Variants in MOB1B observed in about 807,000 individuals in gnomAD.
MOB1B encodes the protein MOB1 Mps One Binder homolog B.
Under a neutral mutation model 24.4 loss-of-function variants are expected in MOB1B, and 19 were observed. The ratio of observed to expected loss-of-function variants is 0.78; its 90% CI spans 0.54 to 1.14. The LOEUF (loss-of-function observed/expected upper bound fraction) is 1.14, where lower values mean the gene tolerates loss of function less well. MOB1B is among the 50% of genes most tolerant of loss of function. MOB1B has a pLI of 0.00. For missense variants in MOB1B, 243 were observed against 259.6 expected, an observed-to-expected ratio of 0.94 and a Z score of 0.44; for synonymous variants, 76 against 82.1, an observed-to-expected ratio of 0.93 and a Z score of 0.40.
chr4:70,965,936 A>G (rs1738510755), intron 2 of MOB1B, among the ~76,000 whole-genome samples: 1 of 152,042 alleles, frequency 6.6e-6, no homozygotes, highest in Non-Finnish European at 1.5e-5. Context: ...TAACACTAGA[A>G]TAAAAAATCT....
intron 1 of MOB1B, 49 bp downstream of exon 1, chr4:70,902,599 GCCCCCGCCCGCCGC>G: frequency 6.7e-7 from 1 of 1,498,036 alleles, no homozygotes; most frequent in South Asian, 1.2e-5. Flanking sequence ...GTGGACCTGG[GCCCCCGCCCGCCGC>G]CCGCCGCCCG....
At chr4:70,908,163 C>T (rs912815894) in intron 1 of MOB1B, among the ~76,000 whole-genome samples, 26 of 151,182 alleles carry the variant, frequency 1.7e-4, no homozygotes, top group African/African-American at 6.3e-4. Flanking sequence ...GTAGCTGGGA[C>T]TACAGGCACC....
intron 1 of MOB1B, among the ~76,000 whole-genome samples, chr4:70,906,991 A>G (rs895391965): frequency 2.6e-5 from 4 of 152,198 alleles, no homozygotes; most frequent in African/African-American, 9.6e-5. Flanking sequence ...GTTTCATGAA[A>G]GAAGTGGGTG....
chr4:70,912,746 T>G (rs914092972), intron 1 of MOB1B, among the ~76,000 whole-genome samples: 1 of 152,184 alleles, frequency 6.6e-6, no homozygotes, highest in African/African-American at 2.4e-5. Flanking sequence ...TGCATCCACT[T>G]ATGTCTGTAG....
Position 70,902,396 on chromosome 4 carries a change from G to T in MOB1B, c.-141G>T. 2.4e-6 allele frequency: 2 copies of T among 838,930 alleles called. No homozygotes were observed. Among genetic ancestry groups the T allele is most frequent in the Admixed American group, 4.0e-5 (2 of 49,870 alleles). 52.0% of individuals were successfully genotyped at this position (838,930 alleles called of 1,614,324 possible). ...TGGAACTAGCTGAGCCGAACTAGTTGCGGCCACCGAGCAGCCGGCTCTCGG... is the reference window on the plus strand; with the variant it reads ...TGGAACTAGCTGAGCCGAACTAGTTTCGGCCACCGAGCAGCCGGCTCTCGG... On this transcript the variant is annotated 5_prime_UTR_variant, in exon 1 of 6. Coordinates refer to ENST00000309395, the MANE Select transcript of MOB1B (RefSeq NM_173468.4).
chr4:70,930,779 C>CT (rs1009382494), intron 1 of MOB1B, among the ~76,000 whole-genome samples: 6 of 151,754 alleles, frequency 4.0e-5, no homozygotes, highest in African/African-American at 1.5e-4. Context: ...GCATTTTTTT[C>CT]TTTTTTTCCC....
chr4:70,975,804 A>T, intron 4 of MOB1B: 1 of 930,358 alleles, frequency 1.1e-6, no homozygotes, highest in Non-Finnish European at 1.3e-6. Flanking sequence ...ATATATTTTT[A>T]ATCTTATGCA....
At chr4:70,966,579 G>A (rs1738540057) in intron 2 of MOB1B, among the ~76,000 whole-genome samples, 1 of 151,990 alleles carries the variant, frequency 6.6e-6, no homozygotes, top group Non-Finnish European at 1.5e-5. Flanking sequence ...TCTCCATGTT[G>A]GTCAGGCTGG....
At chr4:70,965,245 C>G (rs1578394301) in intron 2 of MOB1B, among the ~76,000 whole-genome samples, 1 of 120,838 alleles carries the variant, frequency 8.3e-6, no homozygotes, top group Non-Finnish European at 1.6e-5. Context: ...TGCCGTGAGC[C>G]AAGATTGCAG....
intron 1 of MOB1B, among the ~76,000 whole-genome samples, chr4:70,952,273 C>T (rs1223745333): frequency 6.6e-6 from 1 of 151,914 alleles, no homozygotes; most frequent in Non-Finnish European, 1.5e-5. Flanking sequence ...AGTAGATTTA[C>T]TTGTATCTTA....
At chr4:70,980,593 G>T (rs1739172612) in intron 5 of MOB1B, among the ~76,000 whole-genome samples, 1 of 152,140 alleles carries the variant, frequency 6.6e-6, no homozygotes, top group Non-Finnish European at 1.5e-5. Context: ...ACAATTTAGA[G>T]ATACCTGCTC....
chr4:70,949,938 G>A (rs1055091600), intron 1 of MOB1B, among the ~76,000 whole-genome samples: 1 of 151,718 alleles, frequency 6.6e-6, no homozygotes, highest in Non-Finnish European at 1.5e-5. Context: ...AATTACAAAG[G>A]GGTGGAGACA....
At chr4:70,939,817 G>A (rs919498233) in intron 1 of MOB1B, among the ~76,000 whole-genome samples, 2 of 152,194 alleles carry the variant, frequency 1.3e-5, no homozygotes, top group South Asian at 2.1e-4. Flanking sequence ...TTTGTATCCC[G>A]GAGTTCTTGC....
chr4:70,979,959 G>A (rs952127994), intron 5 of MOB1B, among the ~76,000 whole-genome samples: 5 of 152,082 alleles, frequency 3.3e-5, no homozygotes, highest in African/African-American at 1.2e-4. Flanking sequence ...AAAAAGAGGT[G>A]GAAATAAAAG....
At chr4:70,969,683 T>C (rs1002592209) in intron 2 of MOB1B, among the ~76,000 whole-genome samples, 2 of 152,240 alleles carry the variant, frequency 1.3e-5, no homozygotes, top group South Asian at 2.1e-4. Flanking sequence ...ATTCTAGATA[T>C]AAGATTTCTG....
chr4:70,904,711 A>G (rs1052143580), intron 1 of MOB1B, among the ~76,000 whole-genome samples: 1 of 150,676 alleles, frequency 6.6e-6, no homozygotes, highest in Non-Finnish European at 1.5e-5. Flanking sequence ...GTGAGACGAG[A>G]TCGCGCCACT....
At chr4:70,920,742 A>G (rs895846576) in intron 1 of MOB1B, among the ~76,000 whole-genome samples, 4 of 152,200 alleles carry the variant, frequency 2.6e-5, no homozygotes, top group African/African-American at 9.7e-5. Context: ...GCCATGAATT[A>G]AGAATACTCA....
intron 2 of MOB1B, among the ~76,000 whole-genome samples, chr4:70,967,342 C>G (rs971809795): frequency 2.0e-5 from 3 of 152,168 alleles, no homozygotes; most frequent in Non-Finnish European, 4.4e-5. Flanking sequence ...CCATATTGTT[C>G]AGGCTGGTCT....
At position 70,908,623 on chromosome 4, in the gene MOB1B, A is replaced by G. The variant is rs534126636; in HGVS notation, c.14+6073A>G. The stretch of plus-strand genomic sequence containing the variant: ...CCCTGTCTTTACTAAAAATACAAAA[A>G]AATTAGTCAGACATGGTGGCATGTG... On this transcript the variant is annotated intron_variant, in intron 1 of 5. Coordinates refer to ENST00000309395, the MANE Select transcript of MOB1B (RefSeq NM_173468.4). Among the ~76,000 whole-genome samples the G allele has an allele frequency of 2.0e-5, 3 of 150,562 alleles. No individual in the cohort carries two copies. The East Asian group carries it at 6.0e-4, about 30-fold the overall frequency.
Sources: gnomAD v4.1 joint callset for allele counts (sites outside exome capture counted in the v4.1 genomes callset) on GRCh38, gnomAD v4.1.1 for gene constraint, MANE v1.5 for transcripts, NCBI Gene and HGNC (gene_info 2026-07-23, HGNC 2026-07-21) for gene names.